Variants in PRKG1 observed in about 807,000 individuals in gnomAD.
PRKG1 encodes the protein cGMP-dependent protein kinase 1.
PRKG1 carries 35 observed loss-of-function variants against 88.1 expected under a neutral mutation model. The ratio of observed to expected loss-of-function variants is 0.40; its 90% CI spans 0.30 to 0.53. PRKG1 has a LOEUF of 0.53. Among genes scored for constraint, PRKG1 ranks in the 20% least tolerant of loss-of-function variants. The pLI is 0.59. For missense variants in PRKG1, 540 were observed against 839.8 expected (o/e 0.64, Z 4.41); for synonymous variants, 303 against 292.5 (o/e 1.04, Z -0.37).
Position 52,178,931 on chromosome 10 carries a change from GT to G in PRKG1, c.1076+16979del, listed in dbSNP as rs557974500. On this transcript the variant is annotated intron_variant, in intron 9 of 17. Coordinates refer to ENST00000373980, the MANE Select transcript of PRKG1 (RefSeq NM_006258.4). ...TGTAGCCAGCATATGGTTGGGTGTT[GT>G]TTTTTTTTTTCTCTTTAATCCATTT... Among the ~76,000 whole-genome samples the G allele has an allele frequency of 7.1e-4, 99 of 139,386 alleles. 1 individual carries two copies. Among genetic ancestry groups the G allele is most frequent in the Admixed American group, 2.9e-3 (41 of 14,060 alleles). 91.4% of individuals were successfully genotyped at this position (139,386 alleles called of 152,430 possible).
intron 2 of PRKG1, among the ~76,000 whole-genome samples, chr10:51,377,561 A>G (rs533428950): frequency 3.1e-4 from 47 of 152,162 alleles, no homozygotes; most frequent in African/African-American, 1.1e-3. Flanking sequence ...GCGGGCACCT[A>G]TGGGTCATAT....
rs551723209 is a variant in PRKG1, at chr10:51,115,740, G to C, written c.312-37424G>C. On this transcript the variant is annotated intron_variant, in intron 1 of 17. Transcript: ENST00000373980. ...TAGTCCCAGCTATTCGGGACGCTGA[G>C]GGGGGAGAATTACTTGAACCTGGAG... 2.2e-4 allele frequency among the ~76,000 whole-genome samples: 33 copies of C among 151,928 alleles called. No individual in the cohort carries two copies. In the South Asian group the frequency reaches 6.7e-3, roughly 31 times the overall value.
At chr10:51,321,484 A>G (rs986531138) in intron 2 of PRKG1, among the ~76,000 whole-genome samples, 2 of 152,150 alleles carry the variant, frequency 1.3e-5, no homozygotes, top group Admixed American at 1.3e-4. Context: ...TATAAATGCT[A>G]GCCTATGTTA....
At chr10:51,357,323 G>A (rs1427954686) in intron 2 of PRKG1, among the ~76,000 whole-genome samples, 1 of 151,926 alleles carries the variant, frequency 6.6e-6, no homozygotes, top group Non-Finnish European at 1.5e-5. Flanking sequence ...AGTATTGATT[G>A]GTTTAAGATT....
Position 52,256,885 on chromosome 10 carries a change from A to G in PRKG1, c.1173+5219A>G, listed in dbSNP as rs1480881045. Among the ~76,000 whole-genome samples the G allele has an allele frequency of 2.9e-5, 4 of 138,850 alleles. 1 individual carries two copies. The highest frequency in any genetic ancestry group is 7.6e-5 in the Admixed American group (1 of 13,186). 91.1% of individuals were successfully genotyped at this position (138,850 alleles called of 152,430 possible). A position where few individuals can be genotyped will look rare whatever the true frequency, so the allele number is the denominator to read the frequency against. ...GAGAGGAGATGGGAAACAATTTTCA[A>G]TATCCCTTATGCTGAACCTGTGTGC... On this transcript the variant is annotated intron_variant, in intron 10 of 17. Transcript: ENST00000373980.
chr10:52,219,928 T>C (rs1256526668), intron 9 of PRKG1, among the ~76,000 whole-genome samples: 1 of 152,206 alleles, frequency 6.6e-6, no homozygotes, highest in African/African-American at 2.4e-5. Flanking sequence ...GAAAGAAAGA[T>C]TAAAAGTTGG....
At chr10:52,123,525 A>G (rs1473846948) in intron 7 of PRKG1, among the ~76,000 whole-genome samples, 1 of 152,204 alleles carries the variant, frequency 6.6e-6, no homozygotes, top group Non-Finnish European at 1.5e-5. Context: ...TATATTCTTA[A>G]TAATACATTG....
At chr10:51,618,412 TC>T (rs1180556412) in intron 3 of PRKG1, among the ~76,000 whole-genome samples, 3 of 152,160 alleles carry the variant, frequency 2.0e-5, no homozygotes, top group Admixed American at 1.3e-4. Context: ...GGGAGAGGCA[TC>T]CCCAGAGCCC....
intron 17 of PRKG1, among the ~76,000 whole-genome samples, chr10:52,292,396 G>A (rs1842270545): frequency 6.6e-6 from 1 of 151,894 alleles, no homozygotes; most frequent in African/African-American, 2.4e-5. Flanking sequence ...ATGGTTTTAG[G>A]TCTAACGTTT....
At chr10:51,821,112 T>A (rs528740325) in intron 4 of PRKG1, among the ~76,000 whole-genome samples, 1 of 152,288 alleles carries the variant, frequency 6.6e-6, no homozygotes, top group East Asian at 1.9e-4. Flanking sequence ...TAGTATGTAC[T>A]CTTCTGTGTC....
At chr10:51,418,251 T>C (rs1335261461) in intron 2 of PRKG1, among the ~76,000 whole-genome samples, 3 of 152,148 alleles carry the variant, frequency 2.0e-5, no homozygotes, top group Non-Finnish European at 4.4e-5. Context: ...TTAGGTAGAA[T>C]TGCAGAACTC....
chr10:51,775,566 A>ATT (rs1564641897), intron 3 of PRKG1, among the ~76,000 whole-genome samples: 11 of 150,866 alleles, frequency 7.3e-5, no homozygotes, highest in African/African-American at 2.7e-4. Context: ...CCAGTTCTTT[A>ATT]ATTATTATTA....
chr10:51,581,256 A>G (rs968858633), intron 3 of PRKG1, among the ~76,000 whole-genome samples: 2 of 152,218 alleles, frequency 1.3e-5, no homozygotes, highest in African/African-American at 4.8e-5. Flanking sequence ...CTTAAAACAG[A>G]AACGCAGTCT....
intron 4 of PRKG1, among the ~76,000 whole-genome samples, chr10:51,824,490 G>T (rs1379719046): frequency 6.6e-6 from 1 of 152,050 alleles, no homozygotes; most frequent in Non-Finnish European, 1.5e-5. Flanking sequence ...AGAATTAGTG[G>T]ATTAATGTCT....
intron 8 of PRKG1, among the ~76,000 whole-genome samples, chr10:52,158,813 G>A (rs1038971360): frequency 2.0e-5 from 3 of 151,290 alleles, no homozygotes; most frequent in Non-Finnish European, 4.4e-5. Context: ...ATAGTTCTGA[G>A]TATTTTTATT....
chr10:51,728,659 A>G (rs1055077707), intron 3 of PRKG1, among the ~76,000 whole-genome samples: 6 of 152,100 alleles, frequency 3.9e-5, no homozygotes, highest in Admixed American at 2.0e-4. Flanking sequence ...AAAGTGTTAT[A>G]TAAGTATCAG....
intron 5 of PRKG1, among the ~76,000 whole-genome samples, chr10:51,936,402 G>A (rs1342852515): frequency 6.6e-6 from 1 of 152,024 alleles, no homozygotes; most frequent in East Asian, 1.9e-4. Flanking sequence ...AATAAAGTTA[G>A]TAGTGCAGAG....
intron 5 of PRKG1, among the ~76,000 whole-genome samples, chr10:51,947,189 C>G (rs916934147): frequency 6.6e-6 from 1 of 152,122 alleles, no homozygotes; most frequent in African/African-American, 2.4e-5. Flanking sequence ...CCCCCAGCCT[C>G]GCTGCCGCCT....
At chr10:52,248,180 C>A (rs919568752) in intron 9 of PRKG1, among the ~76,000 whole-genome samples, 1 of 152,190 alleles carries the variant, frequency 6.6e-6, no homozygotes, top group African/African-American at 2.4e-5. Context: ...TTCCTGTAAA[C>A]CCACAACCTT....
Sources: allele counts gnomAD v4.1 joint callset (sites outside exome capture counted in the v4.1 genomes callset), GRCh38; gene constraint gnomAD v4.1.1; transcripts MANE v1.5; gene names NCBI Gene and HGNC (gene_info 2026-07-23, HGNC 2026-07-21).